Variants in WDR27 observed in about 807,000 individuals in gnomAD.
The protein encoded by WDR27 is WD repeat-containing protein 27.
In WDR27, 100 loss-of-function variants were observed where a neutral mutation model predicts 114.4. That is an observed-to-expected ratio of 0.87 (90% CI 0.74 to 1.03). The LOEUF is 1.03. WDR27 is among the 50% of genes least tolerant of loss of function. WDR27 has a pLI of 0.00. For synonymous variants in WDR27, 449 were observed against 423.1 expected (o/e 1.06, Z -0.75); for missense variants, 1,129 against 1,092.9 (o/e 1.03, Z -0.47).
chr6:169,578,864 C>A (rs1802892538), intron 24 of WDR27, among the ~76,000 whole-genome samples: 1 of 152,154 alleles, frequency 6.6e-6, no homozygotes, highest in Non-Finnish European at 1.5e-5. Context: ...TCAGGGAGAT[C>A]AAGATGTCTA....
intron 15 of WDR27, 129 bp downstream of exon 15, chr6:169,649,069 T>A (rs1383861605): frequency 1.5e-6 from 1 of 656,180 alleles, no homozygotes; most frequent in Admixed American, 2.7e-5. Flanking sequence ...TATACATATC[T>A]GTGTACATAT....
At chr6:169,626,377 C>T (rs1814833357) in intron 21 of WDR27, among the ~76,000 whole-genome samples, 1 of 152,184 alleles carries the variant, frequency 6.6e-6, no homozygotes, top group Non-Finnish European at 1.5e-5. Flanking sequence ...GTTGCATTGC[C>T]TGTGGGGCTA....
chr6:169,432,353 T>C, the WDR27 span, among the ~76,000 whole-genome samples: 1 of 152,244 alleles, frequency 6.6e-6, no homozygotes, highest in Non-Finnish European at 1.5e-5. Context: ...GGTAACTGAC[T>C]CAAACAGCTT....
Position 169,459,283 on chromosome 6 carries a change from A to T in WDR27, c.2646-1649T>A, listed in dbSNP as rs575610251. Among the ~76,000 whole-genome samples, 44 of 152,258 alleles carry T rather than the reference A, an allele frequency of 2.9e-4. No individual in the cohort carries two copies. The East Asian group carries it at 4.6e-3, about 16-fold the overall frequency. ...AGAGAACCTAAAACGAAACAAAAAA[A>T]TTTTCAAGCTAAAAATATAAAATAA... On this transcript the variant is annotated intron_variant, in intron 25 of 25. Transcript: ENST00000448612.
Position 169,636,362 on chromosome 6 carries a change from G to A in WDR27, c.2003+9C>T. The A allele has an allele frequency of 1.9e-6, 3 of 1,613,244 alleles. No individual in the cohort carries two copies. Among genetic ancestry groups the A allele is most frequent in the Non-Finnish European group, 2.5e-6 (3 of 1,179,664 alleles). On this transcript the variant is annotated intron_variant, in intron 19 of 25. Coordinates refer to ENST00000448612, the MANE Select transcript of WDR27 (RefSeq NM_182552.5). The stretch of plus-strand genomic sequence containing the variant: ...TCTAAAAATAATGCACAGGGCGGGG[G>A]GTGCCTACCTCTTAATCTCATCTTT...
chr6:169,537,607 G>C (rs1051399331), intron 25 of WDR27, among the ~76,000 whole-genome samples: 4 of 152,150 alleles, frequency 2.6e-5, no homozygotes, highest in Non-Finnish European at 5.9e-5. Flanking sequence ...ATGTGAGCAA[G>C]GACCAGATGA....
At chr6:169,658,957 G>A (rs957607698) in intron 12 of WDR27, 129 bp downstream of exon 12, 27 of 1,316,150 alleles carry the variant, frequency 2.1e-5, no homozygotes, top group Non-Finnish European at 4.0e-6. Flanking sequence ...AAAGTGCTGG[G>A]ATTATAGGCG....
chr6:169,512,839 G>A (rs567586414), intron 25 of WDR27, among the ~76,000 whole-genome samples: 2 of 152,256 alleles, frequency 1.3e-5, no homozygotes, highest in Admixed American at 6.5e-5. Flanking sequence ...CTGAAGCAGT[G>A]TTTTCATGTT....
chr6:169,649,345 T>TTCGGAGTGG, intron 14 of WDR27, 70 bp from the exon 15 acceptor site: 1 of 1,356,134 alleles, frequency 7.4e-7, no homozygotes. Flanking sequence ...GATTTATATT[T>TTCGGAGTGG]TACAGTGAAA....
In WDR27 at chr6:169,647,857, CGG is replaced by C. The variant is rs1562805981; in HGVS notation, c.1571_1572del (p.Pro524ArgfsTer47). The C allele has an allele frequency of 1.3e-6, 2 of 1,562,530 alleles. No homozygotes were observed. The highest frequency in any genetic ancestry group is 1.7e-6 in the Non-Finnish European group (2 of 1,156,102). ...SRSSCAREAY[P>X]VECAVPTKPG... ...GGCTTGGTGGGCACAGCGCACTCCA[CGG>C]GGTATGCCTCCCTGAGGGAAGGCCA... On this transcript the variant is annotated frameshift_variant, in exon 16 of 26. Transcript: ENST00000448612. LOFTEE classifies it high-confidence loss of function.
chr6:169,494,745 C>T (rs1255204499), intron 25 of WDR27, among the ~76,000 whole-genome samples: 1 of 152,166 alleles, frequency 6.6e-6, no homozygotes, highest in African/African-American at 2.4e-5. Context: ...AGCTCAGCAT[C>T]AGATTGGAAA....
chr6:169,452,357 G>C (rs570511917), downstream of WDR27, among the ~76,000 whole-genome samples: 9 of 152,360 alleles, frequency 5.9e-5, no homozygotes, highest in South Asian at 1.9e-3. Context: ...TGTTTTCTTG[G>C]TAACTGGTAA....
intron 14 of WDR27, among the ~76,000 whole-genome samples, 180 bp from the exon 15 acceptor site, chr6:169,649,455 C>T (rs1821675570): frequency 6.6e-6 from 1 of 152,074 alleles, no homozygotes; most frequent in Admixed American, 6.5e-5. Flanking sequence ...CTGTGTCTCT[C>T]ATGCTACCTC....
At chr6:169,651,703 C>T (rs544948741) in intron 14 of WDR27, among the ~76,000 whole-genome samples, 9 of 152,312 alleles carry the variant, frequency 5.9e-5, no homozygotes, top group Admixed American at 4.6e-4. Flanking sequence ...CGGAGGACTG[C>T]TCTGAGGCCC....
chr6:169,540,400 T>C (rs1796687761), intron 25 of WDR27, among the ~76,000 whole-genome samples: 1 of 152,000 alleles, frequency 6.6e-6, no homozygotes, highest in African/African-American at 2.4e-5. Flanking sequence ...AGATTTTCTA[T>C]CTTCTCAGTA....
the WDR27 span, among the ~76,000 whole-genome samples, chr6:169,439,573 T>C: frequency 2.6e-5 from 4 of 152,134 alleles, no homozygotes; most frequent in African/African-American, 9.6e-5. Flanking sequence ...AGAACAAAAT[T>C]TAATTGCCTG....
chr6:169,605,108 C>CACAAAAAAA (rs1808841670), intron 22 of WDR27, among the ~76,000 whole-genome samples: 1 of 76,202 alleles, frequency 1.3e-5, no homozygotes, highest in African/African-American at 5.9e-5. Flanking sequence ...AGCAATTAGG[C>CACAAAAAAA]AAAAAAAAAA....
intron 22 of WDR27, among the ~76,000 whole-genome samples, chr6:169,606,964 AT>A (rs1164006151): frequency 1.3e-5 from 2 of 152,148 alleles, no homozygotes; most frequent in African/African-American, 2.4e-5. Context: ...GGATATACAA[AT>A]GGCCAGCAAG....
At chr6:169,662,123 T>C (rs1562858007) in intron 9 of WDR27, among the ~76,000 whole-genome samples, 181 bp downstream of exon 9, 1 of 152,226 alleles carries the variant, frequency 6.6e-6, no homozygotes, top group African/African-American at 2.4e-5. Flanking sequence ...TTACGTATCA[T>C]TGCCCAAGTT....
Sources: gnomAD v4.1 joint callset for allele counts (sites outside exome capture counted in the v4.1 genomes callset) on GRCh38, gnomAD v4.1.1 for gene constraint, MANE v1.5 for transcripts, NCBI Gene and HGNC (gene_info 2026-07-23, HGNC 2026-07-21) for gene names.